The following ABCB5 variants were observed in gnomAD, a reference collection of about 807,000 sequenced individuals.
ABCB5 encodes the protein ATP-binding cassette sub-family B member 5.
ABCB5 carries 155 observed loss-of-function variants against 144.2 expected under a neutral mutation model. The observed-to-expected ratio is 1.08, with a 90% CI of 0.94 to 1.23. ABCB5 has a LOEUF of 1.23. ABCB5 is among the 50% of genes most tolerant of loss of function. The pLI, the probability that ABCB5 is intolerant of heterozygous loss-of-function variation, is 0.00. For missense variants in ABCB5, 1,830 were observed against 1,520.8 expected, an observed-to-expected ratio of 1.20 and a Z score of -3.38; for synonymous variants, 610 against 528.6, an observed-to-expected ratio of 1.15 and a Z score of -2.11.
chr7:20,626,975 TATATTCCAATGATTCTGC>T (rs1397319059), intron 3 of ABCB5, among the ~76,000 whole-genome samples: 1 of 152,124 alleles, frequency 6.6e-6, no homozygotes, highest in East Asian at 1.9e-4. Flanking sequence ...TACATTTCAG[TATATTCCAATGATTCTGC>T]ATTGTTATGT....
At chr7:20,735,041 C>G (rs1425379536) in intron 23 of ABCB5, among the ~76,000 whole-genome samples, 1 of 152,202 alleles carries the variant, frequency 6.6e-6, no homozygotes, top group Non-Finnish European at 1.5e-5. Flanking sequence ...TGTAGCCTTC[C>G]TTTCCCCACT....
At chr7:20,753,766 A>G (rs1182833278) in intron 27 of ABCB5, among the ~76,000 whole-genome samples, 2 of 152,182 alleles carry the variant, frequency 1.3e-5, no homozygotes, top group African/African-American at 4.8e-5. Context: ...AAGTGGACCA[A>G]TTTTCAAAAT....
chr7:20,738,908 T>C (rs1782472188), intron 23 of ABCB5, 75 bp from the exon 24 acceptor site: 1 of 1,439,084 alleles, frequency 6.9e-7, no homozygotes, highest in Non-Finnish European at 9.2e-7. Context: ...GCCTGCTTTT[T>C]TCTTTACTTT....
At chr7:20,676,318 T>C (rs572574410) in intron 14 of ABCB5, among the ~76,000 whole-genome samples, 1 of 152,272 alleles carries the variant, frequency 6.6e-6, no homozygotes, top group African/African-American at 2.4e-5. Context: ...TGCATCATTA[T>C]TTCTAATAGC....
rs758065112 is a variant in ABCB5 at position 20,745,195 on chromosome 7, G to A, written c.3223-37G>A. On this transcript the variant is annotated intron_variant, in intron 25 of 27. Coordinates refer to ENST00000404938, the MANE Select transcript of ABCB5 (RefSeq NM_001163941.2). ...GAACTGTAACATGATACAGTTGTGT[G>A]ATCTTAACACACCATTCTCCAATCT... The A allele has an allele frequency of 3.1e-6, 5 of 1,592,366 alleles. No homozygotes were observed. In the African/African-American group the frequency reaches 5.4e-5, roughly 17 times the overall value.
intron 14 of ABCB5, among the ~76,000 whole-genome samples, chr7:20,666,083 T>A (rs1464068983): frequency 6.6e-6 from 1 of 150,498 alleles, no homozygotes; most frequent in African/African-American, 2.5e-5. Context: ...GGCAGGAGAA[T>A]CGCTTGAACC....
chr7:20,705,060 C>T (rs1786775344), intron 20 of ABCB5, among the ~76,000 whole-genome samples: 1 of 151,686 alleles, frequency 6.6e-6, no homozygotes, highest in African/African-American at 2.4e-5. Flanking sequence ...AAAGAAGAGA[C>T]CAAGAATAAG....
chr7:20,697,516 A>C (rs1786461281), intron 16 of ABCB5, among the ~76,000 whole-genome samples: 1 of 152,234 alleles, frequency 6.6e-6, no homozygotes, highest in South Asian at 2.1e-4. Flanking sequence ...TACTTATTGC[A>C]GACAAGAGCC....
intron 7 of ABCB5, among the ~76,000 whole-genome samples, chr7:20,643,996 G>C (rs777980441): frequency 2.0e-5 from 3 of 152,088 alleles, no homozygotes. Context: ...AACATGGTAC[G>C]ATTCATTTCA....
rs1489102625 is a variant in ABCB5 at position 20,717,453 on chromosome 7, T to C, written c.2422-5563T>C. On this transcript the variant is annotated intron_variant, in intron 20 of 27. Coordinates refer to ENST00000404938, the MANE Select transcript of ABCB5 (RefSeq NM_001163941.2). The stretch of plus-strand genomic sequence containing the variant: ...AGATTTCCTCTTTTTTTTTTTTTTT[T>C]TTCTTTTGAGACAGACTTTTGCTCT... 3.3e-5 allele frequency among the ~76,000 whole-genome samples: 5 copies of C among 151,346 alleles called. No individual in the cohort carries two copies. In the East Asian group the frequency reaches 9.7e-4, roughly 29 times the overall value.
chr7:20,629,873 T>G (rs1441956504), intron 4 of ABCB5, among the ~76,000 whole-genome samples: 1 of 152,090 alleles, frequency 6.6e-6, no homozygotes, highest in Non-Finnish European at 1.5e-5. Context: ...TTGGTAGTAG[T>G]TTTTAGCCAT....
At chr7:20,716,067 G>C (rs1781665975) in intron 20 of ABCB5, among the ~76,000 whole-genome samples, 1 of 152,080 alleles carries the variant, frequency 6.6e-6, no homozygotes, top group Non-Finnish European at 1.5e-5. Context: ...ACAACAGAAG[G>C]TAGTGAGGAA....
chr7:20,731,369 A>AAAAAAATATAT (rs57305244), intron 23 of ABCB5, among the ~76,000 whole-genome samples: 1 of 123,104 alleles, frequency 8.1e-6, no homozygotes, highest in African/African-American at 3.3e-5. Flanking sequence ...AAAAAAAAAA[A>AAAAAAATATAT]ATATATATAT....
In ABCB5 at chr7:20,712,639, C is replaced by G. The variant is rs1162852434; in HGVS notation, c.2421+7832C>G. ...CTTTTCTTCTTCAATATTTAATCTGCTATTGATCCTATCATATATATTTTT... is the reference window on the plus strand; with the variant it reads ...CTTTTCTTCTTCAATATTTAATCTGGTATTGATCCTATCATATATATTTTT... On this transcript the variant is annotated intron_variant, in intron 20 of 27. Transcript: ENST00000404938. Among the ~76,000 whole-genome samples, 2 of 149,236 alleles carry G rather than the reference C, an allele frequency of 1.3e-5. 1 individual carries two copies. Among genetic ancestry groups the G allele is most frequent in the African/African-American group, 5.0e-5 (2 of 40,362 alleles).
At chr7:20,627,307 G>A (rs1295181356) in intron 3 of ABCB5, among the ~76,000 whole-genome samples, 1 of 152,142 alleles carries the variant, frequency 6.6e-6, no homozygotes, top group Non-Finnish European at 1.5e-5. Context: ...ACATTATTCT[G>A]GAGGAAGGTA....
intron 23 of ABCB5, among the ~76,000 whole-genome samples, chr7:20,737,190 C>T (rs1782408090): frequency 6.6e-6 from 1 of 151,934 alleles, no homozygotes. Flanking sequence ...GATTAGTGTC[C>T]CTCACTCAAC....
chr7:20,676,974 T>C (rs1785634412), intron 14 of ABCB5, among the ~76,000 whole-genome samples: 1 of 152,228 alleles, frequency 6.6e-6, no homozygotes, highest in Admixed American at 6.5e-5. Context: ...ATAAAAGTCA[T>C]ACACTATAAT....
At chr7:20,654,241 AACAATT>A (rs1334915549) in intron 13 of ABCB5, among the ~76,000 whole-genome samples, 1 of 152,162 alleles carries the variant, frequency 6.6e-6, no homozygotes, top group Non-Finnish European at 1.5e-5. Flanking sequence ...TCTTCAACAC[AACAATT>A]ACAGTACTCA....
At chr7:20,648,109 G>T in intron 11 of ABCB5, 31 bp downstream of exon 11, 1 of 1,298,714 alleles carries the variant, frequency 7.7e-7, no homozygotes. Context: ...CAATTGTGCA[G>T]TTTTCTGATA....
Sources: allele counts gnomAD v4.1 joint callset (sites outside exome capture counted in the v4.1 genomes callset), GRCh38; gene constraint gnomAD v4.1.1; transcripts MANE v1.5; gene names NCBI Gene and HGNC (gene_info 2026-07-23, HGNC 2026-07-21).